The following KCNN2 variants were observed in gnomAD, a reference collection of about 807,000 sequenced individuals.
KCNN2 encodes the protein potassium calcium-activated channel subfamily N member 2.
In KCNN2, 24 loss-of-function variants were observed where a neutral mutation model predicts 55.5. The observed-to-expected ratio is 0.43, with a 90% confidence interval of 0.31 to 0.61. The LOEUF is 0.61. KCNN2 is among the 20% of genes least tolerant of loss of function. The probability of loss-of-function intolerance (pLI) is 0.08; values close to 1 mark genes in which losing one functional copy is unlikely to be tolerated. For synonymous variants in KCNN2, 431 were observed against 336.1 expected, an observed-to-expected ratio of 1.28 and a Z score of -3.09; for missense variants, 754 against 853.6, an observed-to-expected ratio of 0.88 and a Z score of 1.45.
chr5:114,075,733 G>GT (rs386404727), intron 1 of KCNN2, among the ~76,000 whole-genome samples: 1 of 151,794 alleles, frequency 6.6e-6, no homozygotes, highest in Non-Finnish European at 1.5e-5. Context: ...AGCTAAGGGG[G>GT]CATTAACAAA....
chr5:114,459,399 AG>A (rs1485664476), intron 3 of KCNN2, among the ~76,000 whole-genome samples: 1 of 152,206 alleles, frequency 6.6e-6, no homozygotes, highest in African/African-American at 2.4e-5. Context: ...GAATTGTCTA[AG>A]TATGTGAAGC....
intron 2 of KCNN2, among the ~76,000 whole-genome samples, chr5:114,297,712 A>G (rs1756057977): frequency 1.3e-5 from 2 of 152,200 alleles, no homozygotes; most frequent in African/African-American, 2.4e-5. Context: ...TAAGTATTTC[A>G]TAATAGAGGT....
chr5:114,410,926 A>G (rs530724733), intron 3 of KCNN2, among the ~76,000 whole-genome samples: 30 of 152,316 alleles, frequency 2.0e-4, no homozygotes, highest in African/African-American at 7.0e-4. Context: ...CTTAACAATA[A>G]TTTGCTCTTT....
chr5:114,087,066 A>G (rs1312270740), intron 1 of KCNN2, among the ~76,000 whole-genome samples: 3 of 151,652 alleles, frequency 2.0e-5, no homozygotes, highest in African/African-American at 7.3e-5. Flanking sequence ...TTTTGTTGCC[A>G]ACTTGTATGT....
intron 2 of KCNN2, among the ~76,000 whole-genome samples, chr5:114,272,416 CACACATAT>C (rs1320600713): frequency 1.9e-4 from 3 of 16,058 alleles, no homozygotes; most frequent in Non-Finnish European, 6.3e-4. Flanking sequence ...TACATATCTA[CACACATAT>C]GTACGTACAT....
intron 2 of KCNN2, among the ~76,000 whole-genome samples, chr5:114,293,850 A>G (rs1755949408): frequency 1.3e-5 from 2 of 152,124 alleles, no homozygotes; most frequent in Admixed American, 1.3e-4. Flanking sequence ...TAAGCTATTG[A>G]TTATTGCCAC....
intron 3 of KCNN2, 98 bp from the exon 4 acceptor site, chr5:114,462,951 T>C: frequency 8.6e-7 from 1 of 1,161,326 alleles, no homozygotes; most frequent in Non-Finnish European, 1.2e-6. Flanking sequence ...TAGCAGTTTA[T>C]AGAAGATACA....
chr5:114,408,851 C>T lies in KCNN2; in HGVS notation c.1637+3995C>T, dbSNP rs561003227. Among the ~76,000 whole-genome samples, 225 of 152,330 alleles carry T rather than the reference C, an allele frequency of 1.5e-3. 2 individuals carry two copies. Among genetic ancestry groups the T allele is most frequent in the African/African-American group, 5.1e-3 (213 of 41,560 alleles). Reference sequence around the variant, plus strand: ...ATGCCAAGGCAAGCTGTGCCACATTCGCTTAGCAGCCCCAAGTCTGTGTGT... The same window carrying T: ...ATGCCAAGGCAAGCTGTGCCACATTTGCTTAGCAGCCCCAAGTCTGTGTGT... On this transcript the variant is annotated intron_variant, in intron 3 of 7. Coordinates refer to ENST00000673685, the MANE Select transcript of KCNN2 (RefSeq NM_021614.4).
intron 1 of KCNN2, among the ~76,000 whole-genome samples, chr5:114,091,874 C>T (rs2112556284): frequency 1.3e-5 from 2 of 152,272 alleles, no homozygotes; most frequent in East Asian, 3.9e-4. Context: ...TCTCCCTTGG[C>T]ACATGGGGAT....
chr5:114,282,538 A>G (rs1399065441), intron 2 of KCNN2, among the ~76,000 whole-genome samples: 1 of 152,050 alleles, frequency 6.6e-6, no homozygotes, highest in South Asian at 2.1e-4. Context: ...TTTTTATGCA[A>G]TGTGAACTAA....
intron 1 of KCNN2, among the ~76,000 whole-genome samples, chr5:114,181,994 A>G (rs114215563): frequency 0.019 from 2,766 of 147,540 alleles, 79 homozygotes; most frequent in African/African-American, 0.065. Flanking sequence ...AGCCTGGGCA[A>G]CAGAGGGAGA....
chr5:114,058,324 TG>T (rs1240379967), intron 1 of KCNN2, among the ~76,000 whole-genome samples: 2 of 152,074 alleles, frequency 1.3e-5, no homozygotes, highest in Admixed American at 6.6e-5. Context: ...ATGAAATTTG[TG>T]ATTTTGTGAT....
At chr5:114,092,934 G>C (rs1481356235) in intron 1 of KCNN2, among the ~76,000 whole-genome samples, 1 of 152,158 alleles carries the variant, frequency 6.6e-6, no homozygotes, top group African/African-American at 2.4e-5. Flanking sequence ...GAAGACCTCT[G>C]ACATGCCTTA....
chr5:114,121,880 A>T (rs946783481), intron 1 of KCNN2, among the ~76,000 whole-genome samples: 1 of 152,356 alleles, frequency 6.6e-6, no homozygotes. Flanking sequence ...TTCAACACTG[A>T]AAAAGATCAC....
At chr5:114,215,283 C>G (rs528761563) in intron 1 of KCNN2, among the ~76,000 whole-genome samples, 1 of 152,080 alleles carries the variant, frequency 6.6e-6, no homozygotes, top group Non-Finnish European at 1.5e-5. Flanking sequence ...TCACTTTTAT[C>G]TTTTCTGCCA....
intron 5 of KCNN2, among the ~76,000 whole-genome samples, chr5:114,478,687 A>G (rs993023485): frequency 6.6e-5 from 10 of 152,280 alleles, no homozygotes; most frequent in African/African-American, 2.4e-4. Flanking sequence ...AACCCGTCTG[A>G]CTAACAGTAG....
intron 2 of KCNN2, among the ~76,000 whole-genome samples, chr5:114,244,160 G>T (rs1163187885): frequency 6.6e-6 from 1 of 152,176 alleles, no homozygotes; most frequent in Admixed American, 6.5e-5. Flanking sequence ...AGTTAGGGCA[G>T]TCTCTAAATT....
intron 1 of KCNN2, among the ~76,000 whole-genome samples, chr5:114,124,889 C>T (rs1466645510): frequency 1.9e-4 from 29 of 152,152 alleles, no homozygotes; most frequent in Admixed American, 1.9e-3. Flanking sequence ...TCACTATTAT[C>T]ACATCTATCG....
In KCNN2 at chr5:114,310,194, C is replaced by T. The variant is rs542246145; in HGVS notation, c.-184-50751C>T. Among the ~76,000 whole-genome samples the T allele has an allele frequency of 4.6e-5, 7 of 152,246 alleles. No homozygotes were observed. In the East Asian group the frequency reaches 1.4e-3, roughly 29 times the overall value. ...TTCCACCTCTTGCCAAAGTGCCCTTCTGTGTTTGCATACCAACACAAGAGA... is the reference window on the plus strand; with the variant it reads ...TTCCACCTCTTGCCAAAGTGCCCTTTTGTGTTTGCATACCAACACAAGAGA... On this transcript the variant is annotated intron_variant, in intron 2 of 10. Coordinates refer to the KCNN2 transcript ENST00000512097.
Sources: allele counts gnomAD v4.1 joint callset (sites outside exome capture counted in the v4.1 genomes callset), GRCh38; gene constraint gnomAD v4.1.1; transcripts MANE v1.5; gene names NCBI Gene and HGNC (gene_info 2026-07-23, HGNC 2026-07-21).